MYO10: variants seen among roughly 807,000 people sequenced by gnomAD.
The protein encoded by MYO10 is myosin X.
Under a neutral mutation model 257.3 loss-of-function variants are expected in MYO10, and 133 were observed. The ratio of observed to expected loss-of-function variants is 0.52; its 90% CI spans 0.45 to 0.60. The LOEUF is 0.60. Among genes scored for constraint, MYO10 ranks in the 20% least tolerant of loss-of-function variants. The pLI, the probability that MYO10 is intolerant of heterozygous loss-of-function variation, is 0.00. For missense variants in MYO10, 2,399 were observed against 2,635.7 expected, an observed-to-expected ratio of 0.91 and a Z score of 1.97; for synonymous variants, 1,104 against 1,028.6, an observed-to-expected ratio of 1.07 and a Z score of -1.40.
intron 19 of MYO10, among the ~76,000 whole-genome samples, chr5:16,730,365 G>C: frequency 6.6e-6 from 1 of 152,294 alleles, no homozygotes; most frequent in Middle Eastern, 3.4e-3. Context: ...GTGACATACC[G>C]GTACAGTCTG....
Position 16,677,072 on chromosome 5 carries a change from CG to C in MYO10, c.4543-919del, listed in dbSNP as rs1736760481. Among the ~76,000 whole-genome samples, 3 of 152,052 alleles carry C rather than the reference CG, an allele frequency of 2.0e-5. 1 individual carries two copies. The highest frequency in any genetic ancestry group is 4.2e-4 in the South Asian group (2 of 4,814). ...CCTTGAAACCTAAGAAAGTCTTTCACGGAATTTCTTCATCATGTACCTATGC... is the reference window on the plus strand; with the variant it reads ...CCTTGAAACCTAAGAAAGTCTTTCACGAATTTCTTCATCATGTACCTATGC... On this transcript the variant is annotated intron_variant, in intron 33 of 40. Coordinates refer to ENST00000513610, the MANE Select transcript of MYO10 (RefSeq NM_012334.3).
intron 2 of MYO10, among the ~76,000 whole-genome samples, chr5:16,872,070 C>G (rs750796282): frequency 2.7e-4 from 41 of 152,280 alleles, no homozygotes; most frequent in Non-Finnish European, 4.6e-4. Context: ...ACTGACCCAA[C>G]CAATCCATTC....
At chr5:16,807,073 G>A (rs1052377300) in intron 3 of MYO10, among the ~76,000 whole-genome samples, 5 of 152,194 alleles carry the variant, frequency 3.3e-5, no homozygotes, top group African/African-American at 4.8e-5. Context: ...GCAGCTAAAG[G>A]GAAGAGTTGT....
chr5:16,754,431 T>C (rs1328787561), intron 19 of MYO10, among the ~76,000 whole-genome samples: 1 of 147,284 alleles, frequency 6.8e-6, no homozygotes, highest in South Asian at 2.1e-4. Context: ...AAAATAACAA[T>C]AAAGCAAAAA....
At chr5:16,817,428 T>C (rs1401996112) in intron 3 of MYO10, among the ~76,000 whole-genome samples, 1 of 152,250 alleles carries the variant, frequency 6.6e-6, no homozygotes, top group Non-Finnish European at 1.5e-5. Context: ...TATCACTTTA[T>C]AATACAGGTA....
chr5:16,913,214 T>G (rs948543143), intron 1 of MYO10, among the ~76,000 whole-genome samples: 30 of 152,042 alleles, frequency 2.0e-4, no homozygotes, highest in Non-Finnish European at 3.8e-4. Flanking sequence ...TGCTAAAAAC[T>G]CAAAGACAAA....
chr5:16,712,548 AT>A (rs1182699813), intron 19 of MYO10, among the ~76,000 whole-genome samples: 1 of 152,222 alleles, frequency 6.6e-6, no homozygotes, highest in Non-Finnish European at 1.5e-5. Flanking sequence ...AAATACAAGA[AT>A]GCAAAGTGGC....
intron 19 of MYO10, among the ~76,000 whole-genome samples, chr5:16,733,470 T>A (rs915714045): frequency 3.9e-5 from 6 of 152,192 alleles, no homozygotes; most frequent in African/African-American, 1.4e-4. Context: ...ACATGGAGAA[T>A]TTTCCTTGAA....
At position 16,783,456 on chromosome 5, in the gene MYO10, C is replaced by T; in HGVS notation, c.481G>A (p.Ala161Thr). 1 of 1,609,788 alleles carries T rather than the reference C, an allele frequency of 6.2e-7. No individual in the cohort carries two copies. Among genetic ancestry groups the T allele is most frequent in the Non-Finnish European group, 8.5e-7 (1 of 1,178,596 alleles). The change falls in exon 5 of 41, where the codon GCA (alanine) becomes ACA (threonine). Residue 161 changes from alanine (A) to threonine (T), a missense_variant. Around this residue, in one of 3 missense-constraint regions of MYO10, gnomAD observed 242 missense variants for 249.5 expected, o/e 0.97. Transcript: ENST00000513610. ...AATTTAGTGCTTTCGGTTTTACCTG[C>T]CCCACTTTCACCACTGAAAGACAAA... ...QCILISGESGAGKTESTKLIL... is the reference protein window; with the variant it reads ...QCILISGESGTGKTESTKLIL...
intron 19 of MYO10, among the ~76,000 whole-genome samples, chr5:16,715,437 A>C (rs1579891755): frequency 1.0e-5 from 1 of 96,506 alleles, no homozygotes; most frequent in Non-Finnish European, 1.9e-5. Flanking sequence ...TCTCGCTGGG[A>C]TTACAGGCAT....
At chr5:16,735,699 A>AG (rs1284729612) in intron 19 of MYO10, among the ~76,000 whole-genome samples, 1 of 102,864 alleles carries the variant, frequency 9.7e-6, no homozygotes, top group Admixed American at 1.0e-4. Flanking sequence ...AAAAAAAAAA[A>AG]AAAACCCAAA....
rs1744648133 is a variant in MYO10, at chr5:16,877,763, CTG to C, written c.22-58_22-57del. ...GTTTGGATTGCATTTTGTGGCGAAA[CTG>C]TACTGTCGAAATTACCCTAACTCCT... is the stretch of plus-strand genomic sequence containing the variant. On this transcript the variant is annotated intron_variant, in intron 1 of 40. Transcript: ENST00000513610. 7.9e-6 allele frequency: 11 copies of C among 1,397,188 alleles called. No homozygotes were observed. The South Asian group carries it at 1.3e-4, about 17-fold the overall frequency. 86.5% of individuals were successfully genotyped at this position (1,397,188 alleles called of 1,614,324 possible).
rs1035924485 is a variant in MYO10, at chr5:16,662,272, A to G, written c.*4420T>C. Reference sequence around the variant, plus strand: ...CCAATTTAGTGTGCTATCTGAATAAAAGGCTTAGTAACTAAAAAAAGTGCT... The same window carrying G: ...CCAATTTAGTGTGCTATCTGAATAAGAGGCTTAGTAACTAAAAAAAGTGCT... On this transcript the variant is annotated 3_prime_UTR_variant, in exon 41 of 41. Transcript: ENST00000513610. 1.3e-5 allele frequency: 2 copies of G among 149,958 alleles called. No individual in the cohort carries two copies. The highest frequency in any genetic ancestry group is 4.9e-5 in the African/African-American group (2 of 40,908). 9.3% of individuals were successfully genotyped at this position (149,958 alleles called of 1,614,324 possible). A position where few individuals can be genotyped will look rare whatever the true frequency, so the allele number is the denominator to read the frequency against.
chr5:16,929,860 G>A (rs1746247941), intron 1 of MYO10, among the ~76,000 whole-genome samples: 2 of 152,062 alleles, frequency 1.3e-5, no homozygotes, highest in Admixed American at 6.6e-5. Flanking sequence ...CTGAGTACAG[G>A]GCTGACTGTA....
rs989284304 is a variant in MYO10 at position 16,748,987 on chromosome 5, C to T, written c.1929+5841G>A. On this transcript the variant is annotated intron_variant, in intron 19 of 40. Coordinates refer to ENST00000513610, the MANE Select transcript of MYO10 (RefSeq NM_012334.3). ...CATCCTCATCTTCATCCTTGTGTCTCGGGGTAGAGACAGATGGGGCTCCAA... is the reference window on the plus strand; with the variant it reads ...CATCCTCATCTTCATCCTTGTGTCTTGGGGTAGAGACAGATGGGGCTCCAA... 5.3e-5 allele frequency among the ~76,000 whole-genome samples: 8 copies of T among 152,028 alleles called. No individual in the cohort carries two copies. In the South Asian group the frequency reaches 1.5e-3, roughly 28 times the overall value.
intron 1 of MYO10, among the ~76,000 whole-genome samples, chr5:16,914,426 G>A (rs760251278): frequency 5.9e-5 from 9 of 152,160 alleles, no homozygotes; most frequent in Non-Finnish European, 1.3e-4. Flanking sequence ...ATCAGATAGC[G>A]GTCAGCAGAA....
At chr5:16,757,301 A>AACACACACACACAC (rs71595978) in intron 18 of MYO10, among the ~76,000 whole-genome samples, 9 of 84,386 alleles carry the variant, frequency 1.1e-4, no homozygotes, top group South Asian at 4.1e-4. Context: ...CACACACACA[A>AACACACACACACAC]ACACACACAC....
intron 3 of MYO10, among the ~76,000 whole-genome samples, chr5:16,806,067 G>A (rs1466252042): frequency 2.0e-5 from 3 of 152,180 alleles, no homozygotes; most frequent in Admixed American, 2.0e-4. Flanking sequence ...GTAACTGGCC[G>A]GGTGCAGTGG....
At position 16,805,458 on chromosome 5, in the gene MYO10, CAAAAAAAAA is replaced by C. The variant is rs36126574; in HGVS notation, c.280-10634_280-10626del. On this transcript the variant is annotated intron_variant, in intron 3 of 40. Transcript: ENST00000513610. ...CGGGCAACACAGTGAGACTCCATCT[CAAAAAAAAA>C]AAAAAAAAAAAAAGAAAAGAAAAAA... 3.5e-3 allele frequency among the ~76,000 whole-genome samples: 273 copies of C among 78,340 alleles called. 2 individuals carry two copies. Among genetic ancestry groups the C allele is most frequent in the African/African-American group, 0.013 (255 of 19,900 alleles). 51.4% of individuals were successfully genotyped at this position (78,340 alleles called of 152,430 possible).
Sources: allele counts gnomAD v4.1 joint callset (sites outside exome capture counted in the v4.1 genomes callset), GRCh38; gene constraint gnomAD v4.1.1; regional missense constraint gnomAD v4.1.1; transcripts MANE v1.5; gene names NCBI Gene and HGNC (gene_info 2026-07-23, HGNC 2026-07-21).